CNOT6: variants seen among roughly 807,000 people sequenced by gnomAD.
CNOT6 encodes CCR4-NOT transcription complex subunit 6.
Under a neutral mutation model 61.2 loss-of-function variants are expected in CNOT6, and 12 were observed. The ratio of observed to expected loss-of-function variants is 0.20; its 90% CI spans 0.13 to 0.32. The LOEUF is 0.32. CNOT6 is among the 10% of genes least tolerant of loss of function. The probability of loss-of-function intolerance (pLI) is 1.00; values close to 1 mark genes in which losing one functional copy is unlikely to be tolerated. For synonymous variants in CNOT6, 225 were observed against 240.6 expected (o/e 0.94, Z 0.60); for missense variants, 405 against 663.9 (o/e 0.61, Z 4.28).
In CNOT6 at chr5:180,567,330, G is replaced by A. The variant is rs559872702; in HGVS notation, c.872+88G>A. ...TGTGGAAACTAATTGGCAAATGAGAGAATGAGGCACTATATTATTACTGAA... is the reference window on the plus strand; with the variant it reads ...TGTGGAAACTAATTGGCAAATGAGAAAATGAGGCACTATATTATTACTGAA... On this transcript the variant is annotated intron_variant, in intron 8 of 11. Coordinates refer to ENST00000261951, the MANE Select transcript of CNOT6 (RefSeq NM_001370472.1). The A allele has an allele frequency of 3.7e-5, 42 of 1,132,318 alleles. No individual in the cohort carries two copies. In the African/African-American group the frequency reaches 6.1e-4, roughly 16 times the overall value. The allele number at this position is 1,132,318 out of a possible 1,614,324, so 70.1% of individuals were successfully genotyped here.
chr5:180,535,867 T>C (rs1344953099), intron 2 of CNOT6, among the ~76,000 whole-genome samples: 2 of 152,322 alleles, frequency 1.3e-5, no homozygotes, highest in Admixed American at 6.5e-5. Flanking sequence ...TAAGATGGTA[T>C]TTCATTGTGG....
chr5:180,553,696 A>G (rs1759730965), intron 4 of CNOT6, among the ~76,000 whole-genome samples: 2 of 151,630 alleles, frequency 1.3e-5, no homozygotes, highest in Admixed American at 1.3e-4. Flanking sequence ...CTTCTTTTCT[A>G]GCCTCTGTTT....
At position 180,577,554 on chromosome 5, in the gene CNOT6, A is replaced by G. The variant is rs867810353; in HGVS notation, c.*3354A>G. 2.0e-5 allele frequency: 3 copies of G among 152,796 alleles called. No homozygotes were observed. The highest frequency in any genetic ancestry group is 3.4e-3 in the Middle Eastern group (1 of 294). 9.5% of individuals were successfully genotyped at this position (152,796 alleles called of 1,614,324 possible). A position where few individuals can be genotyped will look rare whatever the true frequency, so the allele number is the denominator to read the frequency against. ...ACTCCTTCAGCAGGTGTTCTTCACC[A>G]TTCGTAAACAGTATTTTAAGATGTT... On this transcript the variant is annotated 3_prime_UTR_variant, in exon 12 of 12. Transcript: ENST00000261951.
At chr5:180,537,804 C>CT (rs11407875) in intron 2 of CNOT6, among the ~76,000 whole-genome samples, 79,467 of 141,786 alleles carry the variant, frequency 0.56, 22,878 homozygotes, top group East Asian at 0.85. Context: ...CTTTCTCTCT[C>CT]TTTTTTTTTT....
chr5:180,522,183 G>A (rs1036188184), intron 1 of CNOT6, among the ~76,000 whole-genome samples: 1 of 152,132 alleles, frequency 6.6e-6, no homozygotes, highest in East Asian at 1.9e-4. Context: ...GGAGTGCAGT[G>A]GTGTGATCTC....
intron 1 of CNOT6, among the ~76,000 whole-genome samples, chr5:180,522,522 C>T (rs760439744): frequency 1.3e-5 from 2 of 152,100 alleles, no homozygotes; most frequent in Non-Finnish European, 2.9e-5. Flanking sequence ...GGGGCAGCCT[C>T]GCCAGCATCT....
intron 1 of CNOT6, among the ~76,000 whole-genome samples, chr5:180,498,312 G>T (rs1380395471): frequency 6.6e-6 from 1 of 152,154 alleles, no homozygotes; most frequent in Non-Finnish European, 1.5e-5. Context: ...TTAACACTGA[G>T]AATTCAAAGA....
intron 2 of CNOT6, among the ~76,000 whole-genome samples, chr5:180,544,896 C>T (rs1053898644): frequency 6.6e-5 from 10 of 152,238 alleles, no homozygotes; most frequent in East Asian, 1.9e-4. Context: ...GAGTTAAAGG[C>T]TACTGTGAGC....
chr5:180,561,791 T>C (rs544116367), intron 4 of CNOT6, among the ~76,000 whole-genome samples: 2 of 152,292 alleles, frequency 1.3e-5, no homozygotes, highest in Admixed American at 6.5e-5. Context: ...CGCACTGGCG[T>C]GTCCTCTTTA....
At chr5:180,556,362 TA>T (rs1207001131) in intron 4 of CNOT6, among the ~76,000 whole-genome samples, 2 of 152,218 alleles carry the variant, frequency 1.3e-5, no homozygotes, top group African/African-American at 4.8e-5. Flanking sequence ...CATAGCATAG[TA>T]ACTATAGTTA....
At chr5:180,536,742 C>G (rs1758720139) in intron 2 of CNOT6, among the ~76,000 whole-genome samples, 2 of 152,186 alleles carry the variant, frequency 1.3e-5, no homozygotes, top group Non-Finnish European at 2.9e-5. Context: ...CCTCAAGTAG[C>G]TGGGACTACA....
intron 2 of CNOT6, among the ~76,000 whole-genome samples, chr5:180,538,711 TATATAC>T (rs1376280846): frequency 4.8e-5 from 6 of 125,010 alleles, no homozygotes; most frequent in African/African-American, 1.8e-4. Flanking sequence ...TATATATATA[TATATAC>T]AAAAAAATTA....
At chr5:180,560,704 C>T (rs1332870056) in intron 4 of CNOT6, among the ~76,000 whole-genome samples, 2 of 152,030 alleles carry the variant, frequency 1.3e-5, no homozygotes, top group Admixed American at 6.6e-5. Flanking sequence ...GCTGTGGATT[C>T]CTTTGGGTTT....
rs191601557 is a variant in CNOT6 at position 180,526,858 on chromosome 5, A to T, written c.-2-2417A>T. 1.8e-3 allele frequency among the ~76,000 whole-genome samples: 276 copies of T among 151,774 alleles called. 3 individuals carry two copies. Among genetic ancestry groups the T allele is most frequent in the Non-Finnish European group, 9.0e-4 (61 of 67,950 alleles). On this transcript the variant is annotated intron_variant, in intron 1 of 11. Transcript: ENST00000261951. ...ATGTATCTATAATGGACAAGAATTT[A>T]AAAAAATCACATACAACCGTAAAAC...
At chr5:180,518,586 G>C (rs909548896) in intron 1 of CNOT6, among the ~76,000 whole-genome samples, 1 of 152,134 alleles carries the variant, frequency 6.6e-6, no homozygotes, top group Non-Finnish European at 1.5e-5. Context: ...TGGTGTGATT[G>C]TAGCTCACTG....
intron 1 of CNOT6, among the ~76,000 whole-genome samples, chr5:180,527,727 C>G (rs780522512): frequency 2.0e-4 from 30 of 152,144 alleles, no homozygotes; most frequent in Non-Finnish European, 3.4e-4. Context: ...TGAGACTGAT[C>G]ATTGGGTTTA....
intron 1 of CNOT6, among the ~76,000 whole-genome samples, chr5:180,523,430 C>T (rs780084468): frequency 6.7e-6 from 1 of 149,550 alleles, no homozygotes; most frequent in Non-Finnish European, 1.5e-5. Flanking sequence ...CAGGGGCACA[C>T]TCAAATGTTT....
chr5:180,496,025 G>T (rs1756597643), intron 1 of CNOT6, among the ~76,000 whole-genome samples: 1 of 152,138 alleles, frequency 6.6e-6, no homozygotes, highest in Non-Finnish European at 1.5e-5. Flanking sequence ...CGATCCTTTT[G>T]CCTCACCCTC....
intron 3 of CNOT6, among the ~76,000 whole-genome samples, chr5:180,552,022 C>T (rs376775169): frequency 1.8e-4 from 27 of 152,052 alleles, no homozygotes; most frequent in African/African-American, 6.3e-4. Flanking sequence ...GCGTGTGCCA[C>T]CATGCCCAGC....
Sources: gnomAD v4.1 joint callset for allele counts (sites outside exome capture counted in the v4.1 genomes callset) on GRCh38, gnomAD v4.1.1 for gene constraint, MANE v1.5 for transcripts, NCBI Gene and HGNC (gene_info 2026-07-23, HGNC 2026-07-21) for gene names.